ADGRA3: variants seen among roughly 807,000 people sequenced by gnomAD.
ADGRA3 encodes the protein G-protein coupled receptor 125.
ADGRA3 carries 56 observed loss-of-function variants against 119.8 expected under a neutral mutation model. That is an observed-to-expected ratio of 0.47 (90% CI 0.38 to 0.58). The LOEUF (loss-of-function observed/expected upper bound fraction) is 0.58. ADGRA3 is among the 20% of genes least tolerant of loss of function. The pLI, the probability that ADGRA3 is intolerant of heterozygous loss-of-function variation, is 0.00. For synonymous variants in ADGRA3, 607 were observed against 623.8 expected (o/e 0.97, Z 0.40); for missense variants, 1,516 against 1,649.0 (o/e 0.92, Z 1.40).
At chr4:22,512,329 C>T (rs114631757) in intron 1 of ADGRA3, among the ~76,000 whole-genome samples, 2,280 of 152,198 alleles carry the variant, frequency 0.015, 30 homozygotes, top group Non-Finnish European at 0.02. Context: ...GGTAATAGAG[C>T]ATTGACCATA....
intron 1 of ADGRA3, among the ~76,000 whole-genome samples, chr4:22,495,291 T>C (rs533150864): frequency 1.5e-4 from 23 of 152,168 alleles, no homozygotes; most frequent in Admixed American, 8.5e-4. Flanking sequence ...CTAAAACTTA[T>C]GGCTGCGCAC....
intron 14 of ADGRA3, among the ~76,000 whole-genome samples, chr4:22,405,764 A>G (rs1011088431): frequency 6.6e-6 from 1 of 152,150 alleles, no homozygotes; most frequent in African/African-American, 2.4e-5. Context: ...ATAATTGTAT[A>G]TATTTATGGC....
At chr4:22,398,411 T>TA (rs1714460754) in intron 16 of ADGRA3, among the ~76,000 whole-genome samples, 1 of 152,120 alleles carries the variant, frequency 6.6e-6, no homozygotes, top group Non-Finnish European at 1.5e-5. Flanking sequence ...CTGTTAATAG[T>TA]ATGATAAGTA....
chr4:22,442,008 C>T (rs1262655096), intron 7 of ADGRA3, among the ~76,000 whole-genome samples: 1 of 151,864 alleles, frequency 6.6e-6, no homozygotes, highest in Non-Finnish European at 1.5e-5. Flanking sequence ...AAAACTGCAG[C>T]TCTACTGAAA....
intron 1 of ADGRA3, among the ~76,000 whole-genome samples, chr4:22,513,254 C>A (rs1002245153): frequency 6.7e-6 from 1 of 148,886 alleles, no homozygotes; most frequent in African/African-American, 2.5e-5. Flanking sequence ...TCAAGCAATT[C>A]TCCTGCCTCA....
At chr4:22,489,046 T>A (rs1718536660) in intron 1 of ADGRA3, among the ~76,000 whole-genome samples, 1 of 152,174 alleles carries the variant, frequency 6.6e-6, no homozygotes, top group Non-Finnish European at 1.5e-5. Context: ...AAGACATATT[T>A]GAGACTGGGT....
intron 10 of ADGRA3, among the ~76,000 whole-genome samples, chr4:22,428,235 C>T (rs1026319892): frequency 2.6e-5 from 4 of 151,832 alleles, no homozygotes; most frequent in African/African-American, 9.7e-5. Flanking sequence ...AAGTCTGTCA[C>T]AAGTTTAGAT....
intron 3 of ADGRA3, among the ~76,000 whole-genome samples, chr4:22,456,986 G>A (rs1717262063): frequency 6.6e-6 from 1 of 152,030 alleles, no homozygotes; most frequent in Non-Finnish European, 1.5e-5. Flanking sequence ...CAAAAATTAG[G>A]CATCTTCTTG....
rs977728723 is a variant in ADGRA3, at chr4:22,460,009, T to C, written c.401+1728A>G. 5.9e-5 allele frequency among the ~76,000 whole-genome samples: 9 copies of C among 152,344 alleles called. No individual in the cohort carries two copies. In the South Asian group the frequency reaches 1.9e-3, roughly 32 times the overall value. ...TTTTCCCTCTTTCTACTTTCTGCTCTGATCAAAGAACTAAACTACTGTCCC... is the reference window on the plus strand; with the variant it reads ...TTTTCCCTCTTTCTACTTTCTGCTCCGATCAAAGAACTAAACTACTGTCCC... On this transcript the variant is annotated intron_variant, in intron 3 of 18. Coordinates refer to ENST00000334304, the MANE Select transcript of ADGRA3 (RefSeq NM_145290.4).
chr4:22,411,959 C>A (rs534236151), intron 14 of ADGRA3, among the ~76,000 whole-genome samples: 59 of 148,522 alleles, frequency 4.0e-4, no homozygotes, highest in East Asian at 1.2e-3. Flanking sequence ...ACAACAACAA[C>A]AAAAAAAAAC....
chr4:22,463,063 T>C (rs1487762605), intron 2 of ADGRA3, among the ~76,000 whole-genome samples: 2 of 152,188 alleles, frequency 1.3e-5, no homozygotes, highest in Non-Finnish European at 2.9e-5. Flanking sequence ...TACAACCTTG[T>C]CTACTGAAGC....
chr4:22,412,174 G>A (rs558607947), intron 14 of ADGRA3, among the ~76,000 whole-genome samples: 16 of 152,184 alleles, frequency 1.1e-4, no homozygotes, highest in African/African-American at 3.6e-4. Flanking sequence ...CTCACACCCA[G>A]AGTAACCTCA....
intron 10 of ADGRA3, among the ~76,000 whole-genome samples, chr4:22,426,376 C>G (rs754918892): frequency 1.3e-5 from 2 of 152,146 alleles, no homozygotes; most frequent in East Asian, 1.9e-4. Flanking sequence ...AAATGTCTTA[C>G]GTTTATATCC....
At chr4:22,500,689 T>G (rs1023015334) in intron 1 of ADGRA3, among the ~76,000 whole-genome samples, 1 of 152,140 alleles carries the variant, frequency 6.6e-6, no homozygotes, top group African/African-American at 2.4e-5. Context: ...TAACATTACT[T>G]GTGAATGTAA....
chr4:22,400,170 C>G (rs1209142695), intron 16 of ADGRA3, among the ~76,000 whole-genome samples: 1 of 152,006 alleles, frequency 6.6e-6, no homozygotes, highest in Non-Finnish European at 1.5e-5. Context: ...TTATCATTCC[C>G]AATTTATAGG....
chr4:22,515,185 G>A (rs993189343), intron 1 of ADGRA3: 2 of 178,986 alleles, frequency 1.1e-5, no homozygotes, highest in Non-Finnish European at 2.3e-5. Context: ...CCCAAGCCCA[G>A]GATGAATGAG....
At chr4:22,469,701 G>C (rs28642225) in intron 2 of ADGRA3, among the ~76,000 whole-genome samples, 1,861 of 152,286 alleles carry the variant, frequency 0.012, 52 homozygotes, top group African/African-American at 0.042. Flanking sequence ...TGATGCACAT[G>C]AAGTTTGATA....
chr4:22,468,996 T>G (rs1172344770), intron 2 of ADGRA3, among the ~76,000 whole-genome samples: 1 of 152,140 alleles, frequency 6.6e-6, no homozygotes, highest in East Asian at 1.9e-4. Context: ...TTATGCAAGT[T>G]TAGCAGCCTA....
rs547755315 is a variant in ADGRA3 at position 22,414,596 on chromosome 4, C to T, written c.1810-782G>A. The T allele has an allele frequency of 9.5e-5, 66 of 698,326 alleles. 1 individual carries two copies. Among genetic ancestry groups the T allele is most frequent in the Non-Finnish European group, 1.5e-4 (58 of 383,436 alleles). The allele number at this position is 698,326 out of a possible 1,614,324, so 43.3% of individuals were successfully genotyped here. A position where few individuals can be genotyped will look rare whatever the true frequency, so the allele number is the denominator to read the frequency against. On this transcript the variant is annotated intron_variant, in intron 12 of 18. Transcript: ENST00000334304. ...TCTCTTCTTCTAATTCCATATTCAC[C>T]GGAATTTCCCCTTAAGAAACAAATC...
Sources: gnomAD v4.1 joint callset for allele counts (sites outside exome capture counted in the v4.1 genomes callset) on GRCh38, gnomAD v4.1.1 for gene constraint, MANE v1.5 for transcripts, NCBI Gene and HGNC (gene_info 2026-07-23, HGNC 2026-07-21) for gene names.